SERPINF2: variants seen among roughly 807,000 people sequenced by gnomAD.
SERPINF2 encodes the protein serpin family F member 2.
SERPINF2 carries 15 observed loss-of-function variants against 45.0 expected under a neutral mutation model. The ratio of observed to expected loss-of-function variants is 0.33; its 90% confidence interval spans 0.22 to 0.51. The LOEUF (loss-of-function observed/expected upper bound fraction) is 0.51. Ranked by LOEUF, SERPINF2 falls within the 20% of genes least tolerant of loss-of-function variation. SERPINF2 has a pLI of 0.97. For missense variants in SERPINF2, 518 were observed against 637.4 expected (o/e 0.81, Z 2.02); for synonymous variants, 283 against 277.9 (o/e 1.02, Z -0.18).
At position 1,754,338 on chromosome 17, in the gene SERPINF2, C is replaced by T. The variant is rs1449321342; in HGVS notation, c.1280C>T (p.Pro427Leu). ...ATCTTCGAGGACACCACAGGCCTTCCCCTCTTCGTGGGCAGCGTGAGGAAC... is the reference window on the plus strand; with the variant it reads ...ATCTTCGAGGACACCACAGGCCTTCTCCTCTTCGTGGGCAGCGTGAGGAAC... The part of the protein sequence containing the change: ...FFIFEDTTGL[P>L]LFVGSVRNPN... Residue 427 changes from proline to leucine, a missense_variant, in exon 10 of 10, where the codon CCC becomes CTC. Coordinates refer to ENST00000453066, the MANE Select transcript of SERPINF2 (RefSeq NM_000934.4). 1 of 1,614,056 alleles carries T rather than the reference C, an allele frequency of 6.2e-7. No individual in the cohort carries two copies. Among genetic ancestry groups the T allele is most frequent in the Non-Finnish European group, 8.5e-7 (1 of 1,180,036 alleles).
At chr17:1,751,109 G>T (rs1207963863) in intron 8 of SERPINF2, among the ~76,000 whole-genome samples, 1 of 152,138 alleles carries the variant, frequency 6.6e-6, no homozygotes. Flanking sequence ...GGAGGCCCTC[G>T]AGCCCTGTGG....
intron 8 of SERPINF2, 23 bp downstream of exon 8, chr17:1,748,763 G>A (rs1396236120): frequency 8.1e-7 from 1 of 1,232,514 alleles, no homozygotes; most frequent in Non-Finnish European, 1.2e-6. Context: ...TGTCCAGCAG[G>A]CTGGGCCTGA....
In SERPINF2 at chr17:1,746,047, C is replaced by A. The variant is rs896038633; in HGVS notation, c.367+138C>A. Reference sequence around the variant, plus strand: ...AAAAATGCAGATTCCTAGGCCGGGGCGGTGGCTCACGCCTGTAATCCCAAC... The same window carrying A: ...AAAAATGCAGATTCCTAGGCCGGGGAGGTGGCTCACGCCTGTAATCCCAAC... On this transcript the variant is annotated intron_variant, in intron 5 of 9. Transcript: ENST00000453066. The A allele has an allele frequency of 2.4e-5, 23 of 957,632 alleles. No homozygotes were observed. The Admixed American group carries it at 4.0e-4, about 17-fold the overall frequency. The allele number at this position is 957,632 out of a possible 1,614,324, so 59.3% of individuals were successfully genotyped here. A position where few individuals can be genotyped will look rare whatever the true frequency, so the allele number is the denominator to read the frequency against.
At chr17:1,744,142 G>T (rs1174616747) in intron 1 of SERPINF2, among the ~76,000 whole-genome samples, 1 of 151,086 alleles carries the variant, frequency 6.6e-6, no homozygotes, top group Non-Finnish European at 1.5e-5. Flanking sequence ...TGATCCACCT[G>T]CCCCTGGCCT....
Position 1,747,376 on chromosome 17 carries a change from G to A in SERPINF2, c.579G>A (p.Leu193=), listed in dbSNP as rs760773008. ...EQLFGAKPVS[L]TGKQEDDLAN... is the part of the protein sequence containing the mutation. ...TATTTGGGGCAAAGCCCGTGAGCCT[G>A]ACGGGAAAGCAGGAAGATGACCTGG... The change falls in exon 7 of 10, where the codon CTG becomes CTA. Residue 193 remains leucine, a synonymous_variant. Coordinates refer to ENST00000453066, the MANE Select transcript of SERPINF2 (RefSeq NM_000934.4). The A allele has an allele frequency of 1.2e-6, 2 of 1,614,194 alleles. No homozygotes were observed. Among genetic ancestry groups the A allele is most frequent in the South Asian group, 1.1e-5 (1 of 91,088 alleles).
intron 1 of SERPINF2, 162 bp downstream of exon 1, chr17:1,743,070 TGCCCAGGTCGGAGTCGGG>T (rs1905435694): frequency 1.0e-6 from 1 of 981,122 alleles, no homozygotes; most frequent in African/African-American, 1.8e-5. Flanking sequence ...AAGATTCTAA[TGCCCAGGTCGGAGTCGGG>T]GCCCTGGCCA....
At position 1,745,453 on chromosome 17, in the gene SERPINF2, G is replaced by A. The variant is rs550878352; in HGVS notation, c.165+58G>A. On this transcript the variant is annotated intron_variant, in intron 4 of 9. Transcript: ENST00000453066. This position sits in a 1 kb window ranked among gnomAD's most constrained non-coding sequence, Gnocchi z 6.2. The stretch of plus-strand genomic sequence containing the variant: ...GGGGCTAGAGGGAGGAGGGCCCATC[G>A]GCAGGGGTCGGGGGGTGGGGGCGCG... 2.6e-4 allele frequency: 398 copies of A among 1,532,460 alleles called. No homozygotes were observed. The highest frequency in any genetic ancestry group is 3.2e-4 in the Non-Finnish European group (362 of 1,119,884). The allele number at this position is 1,532,460 out of a possible 1,614,324, so 94.9% of individuals were successfully genotyped here.
Position 1,745,337 on chromosome 17 carries a change from C to T in SERPINF2, c.107C>T (p.Thr36Ile), listed in dbSNP as rs1307221980. 5.0e-6 allele frequency: 8 copies of T among 1,613,260 alleles called. No homozygotes were observed. The highest frequency in any genetic ancestry group is 5.9e-6 in the Non-Finnish European group (7 of 1,179,966). ...SAMEPLGRQL[T>I]SGPNQEQVSP... ...TCTGCTTGCTCCTTTCCGCAGCTAACTAGCGGGCCGAACCAGGAGCAGGTG... is the reference window on the plus strand; with the variant it reads ...TCTGCTTGCTCCTTTCCGCAGCTAATTAGCGGGCCGAACCAGGAGCAGGTG... Residue 36 changes from threonine (T) to isoleucine (I), a missense_variant, in exon 4 of 10, where the codon ACT becomes ATT. This residue lies in a region of SERPINF2 where 435 missense variants were observed against 577.3 expected (regional missense o/e 0.75). Transcript: ENST00000453066. The surrounding 1 kb of genome is among the most constrained non-coding windows in gnomAD (Gnocchi z 6.2).
rs759163354 is a variant in SERPINF2 at position 1,745,253 on chromosome 17, C to T, written c.102+40C>T. ...GGAGCCTGTGATGGGGGGAAGGTCC[C>T]GGGGGTCTCACTGGTGGCTTGGGCA... On this transcript the variant is annotated intron_variant, in intron 3 of 9. Coordinates refer to ENST00000453066, the MANE Select transcript of SERPINF2 (RefSeq NM_000934.4). This position sits in a 1 kb window ranked among gnomAD's most constrained non-coding sequence, Gnocchi z 6.2. 76 of 1,255,710 alleles carry T rather than the reference C, an allele frequency of 6.1e-5. No individual in the cohort carries two copies. Among genetic ancestry groups the T allele is most frequent in the Admixed American group, 2.2e-4 (10 of 45,326 alleles). The allele number at this position is 1,255,710 out of a possible 1,614,324, so 77.8% of individuals were successfully genotyped here. A position where few individuals can be genotyped will look rare whatever the true frequency, so the allele number is the denominator to read the frequency against.
At chr17:1,747,658 G>A (rs367789714) in intron 7 of SERPINF2, 146 bp downstream of exon 7, 28 of 858,352 alleles carry the variant, frequency 3.3e-5, no homozygotes, top group East Asian at 1.3e-4. Flanking sequence ...TCCGCCTCCC[G>A]GATTGAAGCG....
chr17:1,747,493 C>T lies in SERPINF2; in HGVS notation c.696C>T (p.Leu232=), dbSNP rs1451411418. Residue 232 remains leucine (L), a synonymous_variant, in exon 7 of 10, where the codon CTC becomes CTT. Transcript: ENST00000453066. ...GLPEDTVLLL[L]NAIHFQGFWR... ...CGGAAGACACCGTGTTGCTTCTCCT[C>T]AACGCCATCCACTTCCAGGGTGCGC... 1.9e-6 allele frequency: 3 copies of T among 1,613,914 alleles called. No homozygotes were observed. Among genetic ancestry groups the T allele is most frequent in the Non-Finnish European group, 1.7e-6 (2 of 1,180,024 alleles).
chr17:1,742,960 G>A, intron 1 of SERPINF2, 52 bp downstream of exon 1: 2 of 985,438 alleles, frequency 2.0e-6, no homozygotes, highest in South Asian at 9.4e-5. Flanking sequence ...GAGGAGGAGG[G>A]AGCTGCCTCC....
Position 1,745,392 on chromosome 17 carries a change from C to G in SERPINF2, c.162C>G (p.Asn54Lys). 2 of 1,610,988 alleles carry G rather than the reference C, an allele frequency of 1.2e-6. No individual in the cohort carries two copies. The highest frequency in any genetic ancestry group is 8.5e-7 in the Non-Finnish European group (1 of 1,179,714). ...VSPLTLLKLG[N>K]QEPGGQTALK... ...CACTTACCCTCCTCAAGTTGGGCAA[C>G]CAGGTACAACCAGGTGGGGCTGGGG... The change falls in exon 4 of 10, where the codon AAC becomes AAG. Residue 54 changes from asparagine (N) to lysine (K), a missense_variant. Asn to Lys is a moderately conservative substitution (Grantham distance 94, BLOSUM62 0). Around this residue, in one of 2 missense-constraint regions of SERPINF2, gnomAD observed 435 missense variants for 577.3 expected, o/e 0.75. Coordinates refer to ENST00000453066, the MANE Select transcript of SERPINF2 (RefSeq NM_000934.4). The surrounding 1 kb of genome is among the most constrained non-coding windows in gnomAD (Gnocchi z 6.2).
At chr17:1,752,906 C>A in intron 9 of SERPINF2, 116 bp downstream of exon 9, 2 of 914,242 alleles carry the variant, frequency 2.2e-6, no homozygotes, top group Admixed American at 2.4e-5. Flanking sequence ...TGCTCTTTTC[C>A]AGGGCTTCGG....
intron 1 of SERPINF2, chr17:1,743,156 G>T: frequency 5.2e-6 from 5 of 969,580 alleles, no homozygotes; most frequent in Non-Finnish European, 6.1e-6. Context: ...CTCCAGAAGG[G>T]TTGGCCCCAA....
At chr17:1,752,345 C>T (rs1011212977) in intron 8 of SERPINF2, among the ~76,000 whole-genome samples, 2 of 152,130 alleles carry the variant, frequency 1.3e-5, no homozygotes, top group Admixed American at 6.5e-5. Flanking sequence ...CGTGAGCCCC[C>T]ATGCCCGGCC....
Position 1,754,355 on chromosome 17 carries a change from G to A in SERPINF2, c.1297G>A (p.Val433Met), listed in dbSNP as rs757681136. Residue 433 changes from valine to methionine, a missense_variant, in exon 10 of 10, where the codon GTG (valine) becomes ATG (methionine). By Grantham distance (21) the Val-to-Met change is conservative (BLOSUM62 1). Coordinates refer to ENST00000453066, the MANE Select transcript of SERPINF2 (RefSeq NM_000934.4). ...TTGLPLFVGS[V>M]RNPNPSAPRE... Reference sequence around the variant, plus strand: ...AGGCCTTCCCCTCTTCGTGGGCAGCGTGAGGAACCCCAACCCCAGTGCACC... The same window carrying A: ...AGGCCTTCCCCTCTTCGTGGGCAGCATGAGGAACCCCAACCCCAGTGCACC... 5 of 1,614,168 alleles carry A rather than the reference G, an allele frequency of 3.1e-6. No homozygotes were observed. Among genetic ancestry groups the A allele is most frequent in the African/African-American group, 1.3e-5 (1 of 75,054 alleles).
rs527286897 is a variant in SERPINF2 at position 1,748,233 on chromosome 17, G to A, written c.716-365G>A. Reference sequence around the variant, plus strand: ...GGAGAATGGCGTGAGCCCGGGAGGCGGTGGAGCTTGCAGTGAGCGGAGGTC... The same window carrying A: ...GGAGAATGGCGTGAGCCCGGGAGGCAGTGGAGCTTGCAGTGAGCGGAGGTC... On this transcript the variant is annotated intron_variant, in intron 7 of 9. Transcript: ENST00000453066. 7.2e-5 allele frequency among the ~76,000 whole-genome samples: 11 copies of A among 151,906 alleles called. No homozygotes were observed. In the South Asian group the frequency reaches 1.5e-3, roughly 20 times the overall value.
At position 1,748,337 on chromosome 17, in the gene SERPINF2, A is replaced by G. The variant is rs535304786; in HGVS notation, c.716-261A>G. Among the ~76,000 whole-genome samples, 9 of 151,466 alleles carry G rather than the reference A, an allele frequency of 5.9e-5. No individual in the cohort carries two copies. The East Asian group carries it at 1.7e-3, about 29-fold the overall frequency. On this transcript the variant is annotated intron_variant, in intron 7 of 9. Transcript: ENST00000453066. ...AAAAAAGATCCAGGAGGAGGTTCCT[A>G]GGAGAATTGCAGGGGTTGGGGAAAA...
Sources: allele counts gnomAD v4.1 joint callset (sites outside exome capture counted in the v4.1 genomes callset), GRCh38; gene constraint gnomAD v4.1.1; regional missense constraint gnomAD v4.1.1; non-coding constraint Gnocchi (gnomAD v3.1); transcripts MANE v1.5; gene names NCBI Gene and HGNC (gene_info 2026-07-23, HGNC 2026-07-21).